The following TTC19 variants were observed in gnomAD, a reference collection of about 807,000 sequenced individuals.
TTC19 encodes tetratricopeptide repeat domain 19, also known as tetratricopeptide repeat protein 19, mitochondrial.
In TTC19, 38 loss-of-function variants were observed where a neutral mutation model predicts 49.5. The observed-to-expected ratio is 0.77, with a 90% CI of 0.59 to 1.01. TTC19 has a LOEUF of 1.01. TTC19 is among the 50% of genes least tolerant of loss of function. The pLI is 0.00. For missense variants in TTC19, 475 were observed against 477.7 expected (o/e 0.99, Z 0.05); for synonymous variants, 204 against 185.2 (o/e 1.10, Z -0.83).
intron 2 of TTC19, chr17:16,040,539 T>C (rs2057365631): frequency 1.3e-6 from 2 of 1,530,794 alleles, no homozygotes; most frequent in Non-Finnish European, 1.8e-6. Context: ...GTGATAATCA[T>C]ATATACCAAA....
intron 2 of TTC19, among the ~76,000 whole-genome samples, chr17:16,037,396 C>T (rs1262312417): frequency 6.6e-6 from 1 of 151,872 alleles, no homozygotes; most frequent in African/African-American, 2.4e-5. Context: ...CACAGGGTTG[C>T]CATAAACCTT....
downstream of TTC19, chr17:16,031,947 A>G (rs1442079643): frequency 6.8e-6 from 2 of 295,334 alleles, no homozygotes; most frequent in Admixed American, 5.4e-5. Context: ...GGGGATATAC[A>G]CTGCAAAAAG....
At chr17:16,040,874 A>AAAAT (rs1028105874) in intron 2 of TTC19, 7 of 192,492 alleles carry the variant, frequency 3.6e-5, no homozygotes, top group South Asian at 9.7e-5. Flanking sequence ...CTGTTTACCA[A>AAAAT]AAATAAATAA....
intron 7 of TTC19, chr17:16,023,780 A>G (rs1330275654): frequency 6.6e-6 from 1 of 152,256 alleles, no homozygotes; most frequent in African/African-American, 2.4e-5. Context: ...TAAGCGATAT[A>G]GAAGCAAGCT....
chr17:16,038,397 T>C (rs1013334605), intron 2 of TTC19, among the ~76,000 whole-genome samples: 1 of 152,048 alleles, frequency 6.6e-6, no homozygotes, highest in Non-Finnish European at 1.5e-5. Context: ...GATGATGTGA[T>C]CTGAAGAACT....
intron 2 of TTC19, 174 bp downstream of exon 2, chr17:16,000,419 C>G: frequency 6.8e-7 from 1 of 1,461,690 alleles, no homozygotes; most frequent in Non-Finnish European, 9.0e-7. Context: ...TCCATCCAGG[C>G]TTTTCCGACT....
intron 3 of TTC19, 106 bp downstream of exon 3, chr17:16,002,131 C>T: frequency 1.2e-6 from 1 of 827,474 alleles, no homozygotes; most frequent in East Asian, 2.5e-5. Context: ...TGTTCTAAAA[C>T]TCCTTTTCTT....
chr17:16,000,434 G>C (rs1970689267), intron 2 of TTC19, 189 bp downstream of exon 2: 1 of 1,441,016 alleles, frequency 6.9e-7, no homozygotes, highest in African/African-American at 1.4e-5. Flanking sequence ...CCGACTCTAA[G>C]GCCTGCAGTA....
downstream of TTC19, among the ~76,000 whole-genome samples, chr17:16,033,001 T>C (rs1241729555): frequency 6.6e-5 from 10 of 152,196 alleles, no homozygotes; most frequent in Admixed American, 6.5e-4. Context: ...CTACCCTTCA[T>C]CAGTTTCTAG....
chr17:16,041,969 C>A (rs1374125558), intron 2 of TTC19, among the ~76,000 whole-genome samples: 1 of 151,850 alleles, frequency 6.6e-6, no homozygotes, highest in Non-Finnish European at 1.5e-5. Flanking sequence ...ATCTCCTGAC[C>A]TCGATATGCC....
intron 7 of TTC19, among the ~76,000 whole-genome samples, chr17:16,016,050 C>T (rs1489743756): frequency 6.6e-6 from 1 of 152,032 alleles, no homozygotes; most frequent in Non-Finnish European, 1.5e-5. Flanking sequence ...GTCTTTATTA[C>T]CTCTCTCCTG....
intron 7 of TTC19, 148 bp from the exon 8 acceptor site, chr17:16,024,869 C>G: frequency 1.4e-6 from 1 of 724,214 alleles, no homozygotes; most frequent in Non-Finnish European, 2.5e-6. Flanking sequence ...TTCCATGATT[C>G]CAGCTAGTCT....
At chr17:16,041,462 G>T (rs2057597107) in intron 2 of TTC19, among the ~76,000 whole-genome samples, 1 of 124,314 alleles carries the variant, frequency 8.0e-6, no homozygotes, top group African/African-American at 3.1e-5. Flanking sequence ...CACCCAGGCT[G>T]GAGTGCAATG....
intron 7 of TTC19, among the ~76,000 whole-genome samples, chr17:16,020,525 GCTT>G (rs1456213616): frequency 6.6e-6 from 1 of 152,172 alleles, no homozygotes; most frequent in South Asian, 2.1e-4. Flanking sequence ...CATAGTTTGT[GCTT>G]CTTATGTCTT....
At chr17:16,026,224 A>G (rs1001808348) in intron 8 of TTC19, among the ~76,000 whole-genome samples, 1 of 152,160 alleles carries the variant, frequency 6.6e-6, no homozygotes, top group Non-Finnish European at 1.5e-5. Flanking sequence ...CTTAAAGGAG[A>G]TAATATGTGT....
intron 2 of TTC19, 64 bp from the exon 3 acceptor site, chr17:16,001,851 C>G: frequency 4.5e-6 from 5 of 1,108,458 alleles, no homozygotes; most frequent in Non-Finnish European, 6.8e-6. Flanking sequence ...GCATACACTT[C>G]TGTCTCTTAG....
chr17:16,033,660 A>AG, downstream of TTC19, among the ~76,000 whole-genome samples: 1 of 127,904 alleles, frequency 7.8e-6, no homozygotes, highest in East Asian at 2.0e-4. Context: ...CAGTTTTAAA[A>AG]GTCTGTTGCT....
At chr17:16,034,654 TG>T in intron 2 of TTC19, 2 of 957,806 alleles carry the variant, frequency 2.1e-6, no homozygotes, top group Non-Finnish European at 1.6e-6. Context: ...GATACAGAAA[TG>T]GGAATATAGG....
intron 6 of TTC19, among the ~76,000 whole-genome samples, chr17:16,004,822 G>A (rs1317171813): frequency 1.3e-5 from 2 of 152,192 alleles, no homozygotes; most frequent in East Asian, 3.8e-4. Context: ...TGCTCACTGA[G>A]GCCAGGCCCT....
Sources: allele counts gnomAD v4.1 joint callset (sites outside exome capture counted in the v4.1 genomes callset), GRCh38; gene constraint gnomAD v4.1.1; transcripts MANE v1.5; gene names NCBI Gene and HGNC (gene_info 2026-07-23, HGNC 2026-07-21).